The following PTPRK variants were observed in gnomAD, a reference collection of about 807,000 sequenced individuals.
PTPRK encodes the protein protein tyrosine phosphatase receptor type K, also known as receptor-type tyrosine-protein phosphatase kappa.
Under a neutral mutation model 178.0 loss-of-function variants are expected in PTPRK, and 75 were observed. The ratio of observed to expected loss-of-function variants is 0.42; its 90% CI spans 0.35 to 0.51. PTPRK has a LOEUF of 0.51. PTPRK is among the 20% of genes least tolerant of loss of function. The probability of loss-of-function intolerance (pLI) is 0.02; values close to 1 mark genes in which losing one functional copy is unlikely to be tolerated. For synonymous variants in PTPRK, 637 were observed against 620.6 expected, an observed-to-expected ratio of 1.03 and a Z score of -0.39; for missense variants, 1,441 against 1,797.8, an observed-to-expected ratio of 0.80 and a Z score of 3.59.
chr6:128,333,677 T>C (rs933072149), intron 2 of PTPRK, among the ~76,000 whole-genome samples: 1 of 152,174 alleles, frequency 6.6e-6, no homozygotes, highest in African/African-American at 2.4e-5. Flanking sequence ...GCTGGTTTAA[T>C]CTCCTATCCA....
rs766541556 is a variant in PTPRK, at chr6:128,064,812, A to T, written c.2158-18T>A. 4.2e-6 allele frequency: 6 copies of T among 1,434,194 alleles called. No individual in the cohort carries two copies. The South Asian group carries it at 8.6e-5, about 21-fold the overall frequency. 88.8% of individuals were successfully genotyped at this position (1,434,194 alleles called of 1,614,324 possible). A position where few individuals can be genotyped will look rare whatever the true frequency, so the allele number is the denominator to read the frequency against. Reference sequence around the variant, plus strand: ...TTAGTTTCCTGATAGAGTAAAAATGAAAAAAAAAAGAGTCAATGTACAGAT... The same window carrying T: ...TTAGTTTCCTGATAGAGTAAAAATGTAAAAAAAAAGAGTCAATGTACAGAT... On this transcript the variant is annotated intron_variant, in intron 12 of 29. Coordinates refer to ENST00000368226, the MANE Select transcript of PTPRK (RefSeq NM_002844.4).
chr6:127,987,228 T>C (rs979707529), intron 21 of PTPRK, among the ~76,000 whole-genome samples: 14 of 149,434 alleles, frequency 9.4e-5, no homozygotes, highest in South Asian at 4.2e-4. Context: ...TTTTCAAATA[T>C]GTGGTTAAAA....
chr6:128,139,971 G>C (rs1246962729), intron 7 of PTPRK, among the ~76,000 whole-genome samples: 1 of 151,876 alleles, frequency 6.6e-6, no homozygotes, highest in African/African-American at 2.4e-5. Context: ...CAAATGCTGG[G>C]AACACTCTTG....
At chr6:128,478,736 T>C (rs989109564) in intron 1 of PTPRK, among the ~76,000 whole-genome samples, 3 of 152,128 alleles carry the variant, frequency 2.0e-5, no homozygotes, top group African/African-American at 7.2e-5. Context: ...AAAGCAGTAT[T>C]ATGGATACAA....
chr6:128,467,600 C>T (rs957445062), intron 1 of PTPRK, among the ~76,000 whole-genome samples: 1 of 152,198 alleles, frequency 6.6e-6, no homozygotes, highest in Admixed American at 6.5e-5. Flanking sequence ...AATTCAATAC[C>T]GGTGATCACT....
intron 7 of PTPRK, among the ~76,000 whole-genome samples, chr6:128,121,758 C>T (rs1215716702): frequency 1.3e-5 from 2 of 151,808 alleles, no homozygotes; most frequent in Non-Finnish European, 2.9e-5. Context: ...TTTTAATGTG[C>T]GGGGTTTTTT....
At chr6:128,000,180 T>A (rs1296095835) in intron 15 of PTPRK, 1 of 1,005,132 alleles carries the variant, frequency 9.9e-7, no homozygotes, top group Non-Finnish European at 1.2e-6. Flanking sequence ...GAACTTTTTT[T>A]TTAATGATAA....
chr6:128,156,076 GTTTTGACTACAT>G (rs1797900673), intron 7 of PTPRK, among the ~76,000 whole-genome samples: 1 of 151,792 alleles, frequency 6.6e-6, no homozygotes, highest in South Asian at 2.1e-4. Context: ...AAATTTTATA[GTTTTGACTACAT>G]TTTTTTCTCA....
chr6:127,996,759 T>A, intron 17 of PTPRK, 142 bp downstream of exon 17: 2 of 1,135,682 alleles, frequency 1.8e-6, no homozygotes, highest in South Asian at 3.4e-5. Flanking sequence ...GCATGAGCCC[T>A]CAAGCCTGAT....
At chr6:128,352,051 T>C (rs1833225570) in intron 2 of PTPRK, among the ~76,000 whole-genome samples, 1 of 151,880 alleles carries the variant, frequency 6.6e-6, no homozygotes. Context: ...GGTCAGGAGT[T>C]CGAGACCAGC....
chr6:128,286,207 G>A (rs768485631), intron 3 of PTPRK, among the ~76,000 whole-genome samples: 4 of 152,202 alleles, frequency 2.6e-5, no homozygotes, highest in East Asian at 1.9e-4. Flanking sequence ...ACGTCATGGT[G>A]TTGTTTTCTT....
rs898800767 is a variant in PTPRK, at chr6:128,300,605, C to T, written c.495+21434G>A. ...AATCATCATTCTCAGTAAACTATCG[C>T]AAGAACAAAAAACCAAACACTGCAT... On this transcript the variant is annotated intron_variant, in intron 3 of 29. Transcript: ENST00000368226. 2.0e-5 allele frequency among the ~76,000 whole-genome samples: 3 copies of T among 148,378 alleles called. No individual in the cohort carries two copies. In the Admixed American group the frequency reaches 2.1e-4, roughly 10 times the overall value.
chr6:128,245,620 T>TG (rs1449492735), intron 3 of PTPRK, among the ~76,000 whole-genome samples: 2 of 152,168 alleles, frequency 1.3e-5, no homozygotes, highest in Admixed American at 1.3e-4. Flanking sequence ...AGATGGAGGA[T>TG]GGGGTCTTTG....
chr6:128,264,762 T>A (rs1002381938), intron 3 of PTPRK, among the ~76,000 whole-genome samples: 3 of 152,104 alleles, frequency 2.0e-5, no homozygotes, highest in African/African-American at 7.2e-5. Context: ...GAATTGTAAC[T>A]CCCACAATTC....
chr6:128,285,183 G>A (rs1259287568), intron 3 of PTPRK, among the ~76,000 whole-genome samples: 1 of 152,162 alleles, frequency 6.6e-6, no homozygotes, highest in African/African-American at 2.4e-5. Flanking sequence ...CTCAGGCCAC[G>A]CTGGTCATGA....
At chr6:128,505,011 C>G (rs1482247650) in intron 1 of PTPRK, among the ~76,000 whole-genome samples, 1 of 151,804 alleles carries the variant, frequency 6.6e-6, no homozygotes, top group Non-Finnish European at 1.5e-5. Flanking sequence ...TTTAGATGTG[C>G]CATAGAAGTT....
intron 13 of PTPRK, among the ~76,000 whole-genome samples, chr6:128,061,135 T>C (rs922183914): frequency 1.3e-5 from 2 of 152,176 alleles, no homozygotes; most frequent in African/African-American, 2.4e-5. Flanking sequence ...TAAAATGTTT[T>C]ATTTTCTATT....
chr6:128,068,473 T>C (rs1165382063), intron 11 of PTPRK, among the ~76,000 whole-genome samples: 1 of 152,198 alleles, frequency 6.6e-6, no homozygotes, highest in Non-Finnish European at 1.5e-5. Flanking sequence ...AGATGGCATT[T>C]GGCCTATTAA....
intron 7 of PTPRK, among the ~76,000 whole-genome samples, chr6:128,099,904 G>T (rs1370105447): frequency 6.6e-6 from 1 of 151,916 alleles, no homozygotes; most frequent in Non-Finnish European, 1.5e-5. Context: ...TTATTGATTT[G>T]TACAGCTTAG....
Sources: gnomAD v4.1 joint callset for allele counts (sites outside exome capture counted in the v4.1 genomes callset) on GRCh38, gnomAD v4.1.1 for gene constraint, MANE v1.5 for transcripts, NCBI Gene and HGNC (gene_info 2026-07-23, HGNC 2026-07-21) for gene names.